Variants in NFIC observed in about 807,000 individuals in gnomAD.
NFIC encodes the protein nuclear factor I C.
A neutral mutation model predicts 54.4 loss-of-function variants in NFIC; 12 were observed. That is an observed-to-expected ratio of 0.22 (90% CI 0.14 to 0.36). The LOEUF is 0.36. NFIC is among the 10% of genes least tolerant of loss of function. The probability of loss-of-function intolerance (pLI) is 1.00; values close to 1 mark genes in which losing one functional copy is unlikely to be tolerated. For synonymous variants in NFIC, 322 were observed against 319.2 expected (o/e 1.01, Z -0.09); for missense variants, 575 against 718.2 (o/e 0.80, Z 2.28).
chr19:3,456,745 CA>C, intron 10 of NFIC, 110 bp downstream of exon 10: 1 of 1,083,298 alleles, frequency 9.2e-7, no homozygotes, highest in Non-Finnish European at 1.3e-6. Context: ...ACCCCTGGCA[CA>C]GGGGCGCCAG....
Position 3,366,633 on chromosome 19 carries a change from CG to C in NFIC, c.-1del. 1 of 1,499,482 alleles carries C rather than the reference CG, an allele frequency of 6.7e-7. No homozygotes were observed. The highest frequency in any genetic ancestry group is 1.3e-5 in the South Asian group (1 of 76,806). The allele number at this position is 1,499,482 out of a possible 1,614,324, so 92.9% of individuals were successfully genotyped here. ...CCGGCCCTGCGCCTCCCGCCGCGCCCGGGATGTATTCGTCCCCGCTCTGCCT... is the reference window on the plus strand; with the variant it reads ...CCGGCCCTGCGCCTCCCGCCGCGCCCGGATGTATTCGTCCCCGCTCTGCCT... On this transcript the variant is annotated 5_prime_UTR_variant, in exon 1 of 11. Coordinates refer to ENST00000443272, the MANE Select transcript of NFIC (RefSeq NM_001245002.2).
chr19:3,454,841 G>C (rs923434038), intron 9 of NFIC, among the ~76,000 whole-genome samples: 1 of 151,692 alleles, frequency 6.6e-6, no homozygotes, highest in Non-Finnish European at 1.5e-5. Flanking sequence ...CTGCCCCGGC[G>C]TTCCTGTCCC....
rs115431915 is a variant in NFIC at position 3,370,402 on chromosome 19, G to C, written c.30+3736G>C. Among the ~76,000 whole-genome samples the C allele has an allele frequency of 6.6e-6, 1 of 151,682 alleles. No individual in the cohort carries two copies. The highest frequency in any genetic ancestry group is 2.4e-5 in the African/African-American group (1 of 41,252). On this transcript the variant is annotated intron_variant, in intron 1 of 10. Transcript: ENST00000443272. The surrounding 1 kb of genome is among the most constrained non-coding windows in gnomAD (Gnocchi z 5.2). ...CTGTTTCTCCCCCTCCCCTCTCTGCGGCGGAGGTGCCTCTGCGCGCCAGGG... is the reference window on the plus strand; with the variant it reads ...CTGTTTCTCCCCCTCCCCTCTCTGCCGCGGAGGTGCCTCTGCGCGCCAGGG...
chr19:3,454,313 G>A (rs766173330), intron 9 of NFIC: 31 of 993,968 alleles, frequency 3.1e-5, no homozygotes, highest in Admixed American at 2.3e-4. Flanking sequence ...AAAGAGAATC[G>A]GTTGTTATCA....
chr19:3,372,571 A>G (rs1255242731), intron 1 of NFIC, among the ~76,000 whole-genome samples: 1 of 152,128 alleles, frequency 6.6e-6, no homozygotes, highest in East Asian at 1.9e-4. Flanking sequence ...GGACTCCTTG[A>G]GGATGTGGTG....
chr19:3,430,478 C>A (rs1461056151), intron 3 of NFIC, among the ~76,000 whole-genome samples: 22 of 152,076 alleles, frequency 1.4e-4, no homozygotes, highest in Admixed American at 1.4e-3. Context: ...CTTGCCTCAG[C>A]CTTCCAAAGT....
At chr19:3,445,178 C>T (rs777358952) in intron 6 of NFIC, among the ~76,000 whole-genome samples, 6 of 152,296 alleles carry the variant, frequency 3.9e-5, no homozygotes, top group South Asian at 2.1e-4. Flanking sequence ...CATACATGCA[C>T]GCACACACAT....
rs2081091280 is a variant in NFIC, at chr19:3,375,555, TGGCTGG to T, written c.31-6154_31-6149del. ...CCACCTCCCCTTTGCCTTAGCAGGTTGGCTGGGGAAGCGGGGGCAGCGGAAAAGGGC... is the reference window on the plus strand; with the variant it reads ...CCACCTCCCCTTTGCCTTAGCAGGTTGGAAGCGGGGGCAGCGGAAAAGGGC... On this transcript the variant is annotated intron_variant, in intron 1 of 10. Transcript: ENST00000443272. This position sits in a 1 kb window ranked among gnomAD's most constrained non-coding sequence, Gnocchi z 4.6. Among the ~76,000 whole-genome samples the T allele has an allele frequency of 6.6e-6, 1 of 152,192 alleles. No homozygotes were observed.
rs1376200753 is a variant in NFIC, at chr19:3,456,568, C to G, written c.1442C>G (p.Thr481Arg). ...CCTGCAGCCTACTCTCCGCCCGACA[C>G]GTCCCCTGCAAACCGTTCCTTTGTG... ...PTSPSYSPPDTSPANRSFVGL... is the reference protein window; with the variant it reads ...PTSPSYSPPDRSPANRSFVGL... The change falls in exon 10 of 11, where the codon ACG becomes AGG. Residue 481 changes from threonine to arginine, a missense_variant. Thr to Arg is a moderately conservative substitution (Grantham distance 71). Transcript: ENST00000443272. 1.9e-6 allele frequency: 3 copies of G among 1,553,282 alleles called. No homozygotes were observed. The highest frequency in any genetic ancestry group is 2.6e-6 in the Non-Finnish European group (3 of 1,147,722).
At chr19:3,415,363 C>A (rs943691311) in intron 2 of NFIC, among the ~76,000 whole-genome samples, 2 of 151,786 alleles carry the variant, frequency 1.3e-5, no homozygotes, top group Non-Finnish European at 2.9e-5. Context: ...TCAAGTAATC[C>A]TCCTGCCTCG....
rs1416560288 is a variant in NFIC at position 3,376,791 on chromosome 19, C to T, written c.31-4921C>T. On this transcript the variant is annotated intron_variant, in intron 1 of 10. Transcript: ENST00000443272. ...TTGCCCAGGCTGGAGTGCAATGGCGCGACCTTGGCTCACTGCAACCTCTGC... is the reference window on the plus strand; with the variant it reads ...TTGCCCAGGCTGGAGTGCAATGGCGTGACCTTGGCTCACTGCAACCTCTGC... 1.4e-4 allele frequency among the ~76,000 whole-genome samples: 21 copies of T among 152,080 alleles called. No individual in the cohort carries two copies. In the South Asian group the frequency reaches 1.5e-3, roughly 11 times the overall value.
intron 1 of NFIC, among the ~76,000 whole-genome samples, chr19:3,367,587 T>G (rs1213340620): frequency 6.6e-6 from 1 of 151,626 alleles, no homozygotes; most frequent in African/African-American, 2.4e-5. Context: ...AGGGGGCGGC[T>G]CCCCCCGGGG....
At chr19:3,444,383 G>T (rs943246398) in intron 6 of NFIC, among the ~76,000 whole-genome samples, 64 of 152,244 alleles carry the variant, frequency 4.2e-4, no homozygotes, top group African/African-American at 1.5e-3. Flanking sequence ...GGGGCGTATG[G>T]ATGTGTTCCC....
At chr19:3,363,265 ATATATTTTT>A (rs1465243866), upstream of NFIC, among the ~76,000 whole-genome samples, 125 of 48,704 alleles carry the variant, frequency 2.6e-3, 2 homozygotes, top group African/African-American at 0.012. Context: ...ATATATATAT[ATATATTTTT>A]TTTTTTTTTT....
rs1040930741 is a variant in NFIC, at chr19:3,466,615, G to T, written c.*3846G>T. The T allele has an allele frequency of 6.6e-6, 1 of 151,406 alleles. No homozygotes were observed. Among genetic ancestry groups the T allele is most frequent in the East Asian group, 1.9e-4 (1 of 5,174 alleles). The allele number at this position is 151,406 out of a possible 1,614,324, so 9.4% of individuals were successfully genotyped here. On this transcript the variant is annotated 3_prime_UTR_variant, in exon 11 of 11. Transcript: ENST00000443272. The surrounding 1 kb of genome is among the most constrained non-coding windows in gnomAD (Gnocchi z 4.8). ...TTAAGTAATATGCATTGGCCAGAGA[G>T]CCCGGGCTGGCTGTGCACAGCATTC...
chr19:3,390,056 G>A (rs4806927), intron 2 of NFIC, among the ~76,000 whole-genome samples: 13,851 of 152,292 alleles, frequency 0.091, 1,043 homozygotes, highest in East Asian at 0.28. Context: ...CAGGAGGGAA[G>A]GAGGGAGGTC....
chr19:3,448,964 C>A, intron 6 of NFIC, 50 bp from the exon 7 acceptor site: 1 of 1,579,586 alleles, frequency 6.3e-7, no homozygotes, highest in Admixed American at 1.8e-5. Flanking sequence ...AGGTCCAGGG[C>A]TCATGGGGTG....
At chr19:3,388,502 C>T (rs995746748) in intron 2 of NFIC, among the ~76,000 whole-genome samples, 3 of 152,188 alleles carry the variant, frequency 2.0e-5, no homozygotes, top group South Asian at 2.1e-4. Context: ...GGGGCAGAGC[C>T]GGAATGAGAA....
chr19:3,444,289 G>T (rs1401901658), intron 6 of NFIC, among the ~76,000 whole-genome samples: 1 of 152,238 alleles, frequency 6.6e-6, no homozygotes, highest in Non-Finnish European at 1.5e-5. Context: ...TAAACAGACA[G>T]GAAGAAGCTC....
Sources: gnomAD v4.1 joint callset for allele counts (sites outside exome capture counted in the v4.1 genomes callset) on GRCh38, gnomAD v4.1.1 for gene constraint, Gnocchi (gnomAD v3.1) non-coding constraint, MANE v1.5 for transcripts, NCBI Gene and HGNC (gene_info 2026-07-23, HGNC 2026-07-21) for gene names.